The following STAU2 variants were observed in gnomAD, a reference collection of about 807,000 sequenced individuals.
STAU2 encodes double-stranded RNA-binding protein Staufen homolog 2.
Under a neutral mutation model 65.9 loss-of-function variants are expected in STAU2, and 20 were observed. The ratio of observed to expected loss-of-function variants is 0.30; its 90% CI spans 0.21 to 0.44. The LOEUF is 0.44. Ranked by LOEUF, STAU2 falls within the 20% of genes least tolerant of loss-of-function variation. The pLI is 1.00. For missense variants in STAU2, 558 were observed against 683.9 expected (o/e 0.82, Z 2.05); for synonymous variants, 232 against 233.9 (o/e 0.99, Z 0.07).
intron 13 of STAU2, chr8:73,439,186 G>A (rs796853604): frequency 6.4e-5 from 24 of 377,544 alleles, no homozygotes; most frequent in African/African-American, 3.6e-4. Context: ...TGGCTGATGC[G>A]CAGTTGGGAA....
chr8:73,586,403 C>T (rs990683936), intron 11 of STAU2, among the ~76,000 whole-genome samples: 1 of 152,022 alleles, frequency 6.6e-6, no homozygotes, highest in Non-Finnish European at 1.5e-5. Flanking sequence ...CAGTCAGGTG[C>T]CTACCCCTTC....
At chr8:73,662,599 T>TTTGTTGTTGTTGTTGTTGTTGTTG (rs370019142) in intron 6 of STAU2, among the ~76,000 whole-genome samples, 187 of 150,700 alleles carry the variant, frequency 1.2e-3, no homozygotes, top group African/African-American at 4.2e-3. Flanking sequence ...TTCAGGGGTT[T>TTTGTTGTTGTTGTTGTTGTTGTTG]TTGTTGTTGT....
chr8:73,478,343 C>T (rs1173419026), intron 13 of STAU2, among the ~76,000 whole-genome samples: 2 of 142,802 alleles, frequency 1.4e-5, no homozygotes, highest in Admixed American at 1.4e-4. Flanking sequence ...AAAAAAATAT[C>T]TCAAAATGTT....
chr8:73,477,837 C>G (rs16938675), intron 13 of STAU2, among the ~76,000 whole-genome samples: 16,868 of 152,000 alleles, frequency 0.11, 1,605 homozygotes, highest in African/African-American at 0.25. Flanking sequence ...AATGCCAGAG[C>G]AAAAGCAGTT....
intron 13 of STAU2, among the ~76,000 whole-genome samples, chr8:73,447,791 T>C (rs781491909): frequency 7.9e-5 from 12 of 152,078 alleles, no homozygotes; most frequent in South Asian, 2.1e-4. Context: ...GTCGTTTTCC[T>C]TTTCCTCCCC....
rs889393495 is a variant in STAU2, at chr8:73,651,180, G to T, written c.410+21927C>A. ...CGGACCAGGCATCGGGCCCCGAGGA[G>T]CCCCCTCAGGCCGTCAGCATCAAGG... On this transcript the variant is annotated intron_variant, in intron 6 of 14. Transcript: ENST00000524300. 3 of 1,038,312 alleles carry T rather than the reference G, an allele frequency of 2.9e-6. No individual in the cohort carries two copies. The African/African-American group carries it at 4.7e-5, about 16-fold the overall frequency. 64.3% of individuals were successfully genotyped at this position (1,038,312 alleles called of 1,614,324 possible). A position where few individuals can be genotyped will look rare whatever the true frequency, so the allele number is the denominator to read the frequency against.
chr8:73,466,013 G>A (rs184450477), intron 13 of STAU2, among the ~76,000 whole-genome samples: 3 of 152,086 alleles, frequency 2.0e-5, no homozygotes, highest in African/African-American at 7.2e-5. Context: ...ACAGGGTTTC[G>A]CCATGTTGGC....
intron 4 of STAU2, among the ~76,000 whole-genome samples, chr8:73,697,819 C>T (rs997911270): frequency 6.6e-6 from 1 of 152,178 alleles, no homozygotes; most frequent in African/African-American, 2.4e-5. Context: ...GTGGCTCACA[C>T]TTGTAATCCC....
chr8:73,602,112 A>G (rs1210706605), intron 10 of STAU2, among the ~76,000 whole-genome samples: 1 of 152,000 alleles, frequency 6.6e-6, no homozygotes, highest in Non-Finnish European at 1.5e-5. Flanking sequence ...AACATCTCCA[A>G]AAAAAAACCA....
chr8:73,693,833 A>C (rs190445233), intron 4 of STAU2, among the ~76,000 whole-genome samples: 86 of 152,340 alleles, frequency 5.6e-4, no homozygotes, highest in Non-Finnish European at 1.0e-3. Context: ...TCTTTAGTGA[A>C]ATGAGGCTAA....
chr8:73,713,291 C>T (rs1431885700), intron 3 of STAU2, among the ~76,000 whole-genome samples: 1 of 152,062 alleles, frequency 6.6e-6, no homozygotes, highest in Admixed American at 6.6e-5. Context: ...CTTCATTTTG[C>T]CTGTTCATTT....
At position 73,509,986 on chromosome 8, in the gene STAU2, T is replaced by C. The variant is rs191515432; in HGVS notation, c.1530+42026A>G. Among the ~76,000 whole-genome samples the C allele has an allele frequency of 9.8e-4, 150 of 152,316 alleles. 1 individual carries two copies. The highest frequency in any genetic ancestry group is 3.5e-3 in the African/African-American group (145 of 41,582). On this transcript the variant is annotated intron_variant, in intron 13 of 14. Coordinates refer to ENST00000524300, the MANE Select transcript of STAU2 (RefSeq NM_001164380.2). ...GGTAGTAAGCAAAGCATTAGAACAA[T>C]AAAGGCCTCTACAACTAGTTCCATA...
chr8:73,640,311 A>G (rs563302317), intron 6 of STAU2, among the ~76,000 whole-genome samples: 2 of 152,258 alleles, frequency 1.3e-5, no homozygotes, highest in African/African-American at 4.8e-5. Flanking sequence ...GCAGGGACAA[A>G]TAAGTGGAAC....
At chr8:73,668,144 A>T (rs1817369436) in intron 6 of STAU2, among the ~76,000 whole-genome samples, 1 of 149,502 alleles carries the variant, frequency 6.7e-6, no homozygotes, top group Non-Finnish European at 1.5e-5. Flanking sequence ...AATGACTATC[A>T]AAAAAAAAAC....
At chr8:73,511,742 A>C (rs4545090) in intron 13 of STAU2, 149,775 of 152,338 alleles carry the variant, frequency 0.98, 73,632 homozygotes, top group East Asian at 1. Context: ...TGTTAATGCA[A>C]AAAAGTTTTA....
intron 13 of STAU2, among the ~76,000 whole-genome samples, chr8:73,472,281 A>C (rs758361029): frequency 1.4e-4 from 21 of 152,212 alleles, no homozygotes; most frequent in Non-Finnish European, 2.4e-4. Flanking sequence ...ACTAATGATG[A>C]GCATGGAGAT....
At chr8:73,511,027 C>T (rs1822369099) in intron 13 of STAU2, among the ~76,000 whole-genome samples, 1 of 152,232 alleles carries the variant, frequency 6.6e-6, no homozygotes, top group African/African-American at 2.4e-5. Flanking sequence ...TTGGTGACCA[C>T]TGAAGGCAGT....
At chr8:73,676,507 G>A (rs543177845) in intron 5 of STAU2, among the ~76,000 whole-genome samples, 36 of 152,280 alleles carry the variant, frequency 2.4e-4, no homozygotes, top group African/African-American at 7.9e-4. Flanking sequence ...AGAGACACAG[G>A]TGTATTAAAT....
intron 13 of STAU2, among the ~76,000 whole-genome samples, chr8:73,533,109 CAG>C (rs1311629854): frequency 1.3e-5 from 2 of 152,172 alleles, no homozygotes; most frequent in African/African-American, 4.8e-5. Flanking sequence ...AAAAATACTT[CAG>C]AGTTTGGTTT....
Sources: allele counts gnomAD v4.1 joint callset (sites outside exome capture counted in the v4.1 genomes callset), GRCh38; gene constraint gnomAD v4.1.1; transcripts MANE v1.5; gene names NCBI Gene and HGNC (gene_info 2026-07-23, HGNC 2026-07-21).